Variants in WDR64 observed in about 807,000 individuals in gnomAD.
The protein encoded by WDR64 is WD repeat-containing protein 64.
A neutral mutation model predicts 139.3 loss-of-function variants in WDR64; 112 were observed. The observed-to-expected ratio is 0.80, with a 90% CI of 0.69 to 0.94. The LOEUF is 0.94. Ranked by LOEUF, WDR64 falls within the 40% of genes least tolerant of loss-of-function variation. WDR64 has a pLI of 0.00. For synonymous variants in WDR64, 444 were observed against 437.7 expected (o/e 1.01, Z -0.18); for missense variants, 1,206 against 1,293.1 (o/e 0.93, Z 1.03).
chr1:241,757,556 T>C (rs541493244), intron 15 of WDR64, 97 bp downstream of exon 15: 31 of 1,178,910 alleles, frequency 2.6e-5, no homozygotes, highest in Non-Finnish European at 3.6e-5. Context: ...AAAGAGCTTC[T>C]ATGTGTTATC....
intron 1 of WDR64, among the ~76,000 whole-genome samples, chr1:241,653,693 A>C (rs1276821517): frequency 6.6e-6 from 1 of 151,414 alleles, no homozygotes; most frequent in Non-Finnish European, 1.5e-5. Flanking sequence ...ACAGGCACCC[A>C]CCACCACACC....
intron 12 of WDR64, among the ~76,000 whole-genome samples, chr1:241,741,921 A>C (rs1200118312): frequency 6.6e-6 from 1 of 152,248 alleles, no homozygotes; most frequent in Non-Finnish European, 1.5e-5. Flanking sequence ...GGAATTTTAA[A>C]GGAAATATAT....
intron 9 of WDR64, 81 bp from the exon 10 acceptor site, chr1:241,723,216 C>A (rs562259988): frequency 4.8e-5 from 73 of 1,513,322 alleles, no homozygotes; most frequent in Non-Finnish European, 6.4e-5. Flanking sequence ...AAGAAAGATA[C>A]GGGTATGATA....
chr1:241,730,708 C>T (rs1470177404), intron 10 of WDR64, among the ~76,000 whole-genome samples: 1 of 152,118 alleles, frequency 6.6e-6, no homozygotes. Flanking sequence ...CAATATATGA[C>T]CCCCTGCTAA....
At chr1:241,725,723 T>A (rs1668801892) in intron 10 of WDR64, among the ~76,000 whole-genome samples, 1 of 152,072 alleles carries the variant, frequency 6.6e-6, no homozygotes, top group East Asian at 1.9e-4. Flanking sequence ...CACCTGCCAA[T>A]ATGGTAGCCA....
Position 241,756,486 on chromosome 1 carries a change from G to A in WDR64, c.1771-797G>A, listed in dbSNP as rs1000374073. On this transcript the variant is annotated intron_variant, in intron 14 of 27. Transcript: ENST00000437684. Reference sequence around the variant, plus strand: ...GATGGGGTTTTCTAAATATAGAATCGTGTCATCTGCAAACAGAGACAATTT... The same window carrying A: ...GATGGGGTTTTCTAAATATAGAATCATGTCATCTGCAAACAGAGACAATTT... Among the ~76,000 whole-genome samples the A allele has an allele frequency of 1.3e-4, 20 of 152,068 alleles. 1 individual carries two copies. The East Asian group carries it at 1.3e-3, about 10-fold the overall frequency.
At chr1:241,782,030 T>G (rs547554253) in intron 22 of WDR64, among the ~76,000 whole-genome samples, 62 of 152,318 alleles carry the variant, frequency 4.1e-4, no homozygotes, top group Non-Finnish European at 7.4e-5. Flanking sequence ...CTCACGCCTG[T>G]AATCCCAGCA....
intron 13 of WDR64, among the ~76,000 whole-genome samples, chr1:241,746,192 G>A (rs1253228932): frequency 6.6e-6 from 1 of 152,082 alleles, no homozygotes; most frequent in East Asian, 1.9e-4. Flanking sequence ...CCTGGTGTAG[G>A]GGAAGGAAAA....
Position 241,738,411 on chromosome 1 carries a change from CA to C in WDR64, c.1244del (p.His415LeufsTer15). ...AACTCTTTCACTATTACAAGTCTTC[CA>C]TGACAGCCAGGGAGGACCAGGAGAC... ...IQTLSLLQVF[H>X]DSQGGPGDMQ... On this transcript the variant is annotated frameshift_variant, in exon 11 of 28. Transcript: ENST00000437684. LOFTEE classifies it high-confidence loss of function. 3 of 1,613,854 alleles carry C rather than the reference CA, an allele frequency of 1.9e-6. No individual in the cohort carries two copies. Among genetic ancestry groups the C allele is most frequent in the Non-Finnish European group, 2.5e-6 (3 of 1,179,872 alleles).
chr1:241,745,853 C>G (rs1669736520), intron 13 of WDR64, among the ~76,000 whole-genome samples: 1 of 152,186 alleles, frequency 6.6e-6, no homozygotes, highest in South Asian at 2.1e-4. Context: ...CATTACTACC[C>G]ACCCATCACC....
At chr1:241,699,163 G>A (rs1667610336) in intron 8 of WDR64, among the ~76,000 whole-genome samples, 1 of 152,084 alleles carries the variant, frequency 6.6e-6, no homozygotes, top group Non-Finnish European at 1.5e-5. Context: ...AGATTTGGGT[G>A]GGGACACAGC....
At chr1:241,684,442 T>C (rs1666930751) in intron 7 of WDR64, among the ~76,000 whole-genome samples, 1 of 152,246 alleles carries the variant, frequency 6.6e-6, no homozygotes, top group Non-Finnish European at 1.5e-5. Flanking sequence ...TTAAAGTTTT[T>C]GAGAAAGGTA....
intron 1 of WDR64, among the ~76,000 whole-genome samples, chr1:241,659,311 G>A (rs1172200498): frequency 1.3e-5 from 2 of 152,098 alleles, no homozygotes; most frequent in African/African-American, 4.8e-5. Context: ...GTCTATCATT[G>A]ATGGGCATTT....
At position 241,655,536 on chromosome 1, in the gene WDR64, C is replaced by T. The variant is rs149544949; in HGVS notation, c.145+2907C>T. Among the ~76,000 whole-genome samples the T allele has an allele frequency of 4.4e-3, 663 of 152,270 alleles. 4 individuals are homozygous for T. The highest frequency in any genetic ancestry group is 0.015 in the African/African-American group (624 of 41,546). ...AATCCACATATACTAACAAAGCATG[C>T]AAGGTCATTCACAGCTTGCCTCAGC... On this transcript the variant is annotated intron_variant, in intron 1 of 27. Transcript: ENST00000437684.
intron 10 of WDR64, among the ~76,000 whole-genome samples, chr1:241,724,391 GAGCAATAGT>G (rs1451904334): frequency 6.6e-6 from 1 of 151,798 alleles, no homozygotes; most frequent in African/African-American, 2.4e-5. Context: ...AAATAAAACA[GAGCAATAGT>G]CAATGCAGAA....
rs201461111 is a variant in WDR64 at position 241,674,931 on chromosome 1, T to G, written c.483+184T>G. On this transcript the variant is annotated intron_variant, in intron 4 of 27. Transcript: ENST00000437684. ...CTTATTCCTTCCTTCCTTCTTTCCT[T>G]CCTCCCTCCCTCCTTCCTTCCTCTC... is the stretch of plus-strand genomic sequence containing the variant. Among the ~76,000 whole-genome samples, 16 of 34,248 alleles carry G rather than the reference T, an allele frequency of 4.7e-4. 4 individuals carry two copies. Among genetic ancestry groups the G allele is most frequent in the East Asian group, 1.0e-3 (2 of 1,996 alleles). 22.5% of individuals were successfully genotyped at this position (34,248 alleles called of 152,430 possible). A position where few individuals can be genotyped will look rare whatever the true frequency, so the allele number is the denominator to read the frequency against.
At chr1:241,779,921 C>T (rs2148314153) in intron 21 of WDR64, 83 bp from the exon 22 acceptor site, 1 of 1,026,162 alleles carries the variant, frequency 9.7e-7, no homozygotes, top group Non-Finnish European at 1.4e-6. Flanking sequence ...TTATAAATAC[C>T]TAAATCAAAA....
chr1:241,780,241 A>C (rs1658797270), intron 22 of WDR64, among the ~76,000 whole-genome samples, 179 bp downstream of exon 22: 1 of 152,218 alleles, frequency 6.6e-6, no homozygotes, highest in Admixed American at 6.5e-5. Flanking sequence ...AGGGATCAAG[A>C]AGTAAGTGAG....
At chr1:241,655,220 T>TA (rs1270096934) in intron 1 of WDR64, among the ~76,000 whole-genome samples, 27 of 152,182 alleles carry the variant, frequency 1.8e-4, no homozygotes, top group Admixed American at 1.5e-3. Flanking sequence ...CTGTCTCTAC[T>TA]AAAAATACAA....
Sources: allele counts gnomAD v4.1 joint callset (sites outside exome capture counted in the v4.1 genomes callset), GRCh38; gene constraint gnomAD v4.1.1; transcripts MANE v1.5; gene names NCBI Gene and HGNC (gene_info 2026-07-23, HGNC 2026-07-21).